Variants in KIF18B observed in about 807,000 individuals in gnomAD.
The protein encoded by KIF18B is kinesin-like protein KIF18B.
Under a neutral mutation model 80.9 loss-of-function variants are expected in KIF18B, and 49 were observed. That is an observed-to-expected ratio of 0.61 (90% CI 0.48 to 0.77). The LOEUF (loss-of-function observed/expected upper bound fraction) is 0.77, where lower values mean the gene tolerates loss of function less well. KIF18B is among the 30% of genes least tolerant of loss of function. The pLI is 0.00. For synonymous variants in KIF18B, 439 were observed against 463.9 expected, an observed-to-expected ratio of 0.95 and a Z score of 0.69; for missense variants, 994 against 1,127.7, an observed-to-expected ratio of 0.88 and a Z score of 1.70.
Position 44,928,326 on chromosome 17 carries a change from C to T in KIF18B, c.1976G>A (p.Arg659Lys), listed in dbSNP as rs2052073605. 2.5e-6 allele frequency: 4 copies of T among 1,612,146 alleles called. No individual in the cohort carries two copies. The highest frequency in any genetic ancestry group is 1.6e-4 in the Middle Eastern group (1 of 6,062). The part of the protein sequence containing the change: ...RQRQSFLPCL[R>K]RGSLPDTQPS... ...TTGGGTGTCAGGCAGAGACCCTCTC[C>T]TTAGGCAGGGCAGGAAGGACTGGCG... Residue 659 changes from arginine to lysine, a missense_variant, in exon 13 of 16, where the codon AGG becomes AAG. Coordinates refer to ENST00000593135, the MANE Select transcript of KIF18B (RefSeq NM_001265577.2).
At position 44,927,472 on chromosome 17, in the gene KIF18B, G is replaced by A. The variant is rs1023668497; in HGVS notation, c.2277-394C>T. ...TGCCACTGGTTCTTGGCCTTGGACT[G>A]TCTTGAGCAGGCTGCTGTTCCCCTC... On this transcript the variant is annotated intron_variant, in intron 13 of 15. Transcript: ENST00000593135. The surrounding 1 kb of genome is among the most constrained non-coding windows in gnomAD (Gnocchi z 4.1). Among the ~76,000 whole-genome samples, 1 of 152,202 alleles carries A rather than the reference G, an allele frequency of 6.6e-6. No individual in the cohort carries two copies. Among genetic ancestry groups the A allele is most frequent in the Non-Finnish European group, 1.5e-5 (1 of 68,030 alleles).
At chr17:44,938,661 G>A (rs2052356026) in intron 1 of KIF18B, among the ~76,000 whole-genome samples, 1 of 152,084 alleles carries the variant, frequency 6.6e-6, no homozygotes, top group Non-Finnish European at 1.5e-5. Context: ...TAATTGGTAA[G>A]CAATTATCCC....
chr17:44,927,467 G>C lies in KIF18B; in HGVS notation c.2277-389C>G, dbSNP rs35722758. ...CAGTCTGCCACTGGTTCTTGGCCTT[G>C]GACTGTCTTGAGCAGGCTGCTGTTC... On this transcript the variant is annotated intron_variant, in intron 13 of 15. Coordinates refer to ENST00000593135, the MANE Select transcript of KIF18B (RefSeq NM_001265577.2). This position sits in a 1 kb window ranked among gnomAD's most constrained non-coding sequence, Gnocchi z 4.1. Among the ~76,000 whole-genome samples, 3,384 of 152,328 alleles carry C rather than the reference G, an allele frequency of 0.022. 52 individuals carry two copies. The highest frequency in any genetic ancestry group is 0.031 in the Non-Finnish European group (2,130 of 68,016).
At chr17:44,935,561 A>C in intron 2 of KIF18B, 145 bp from the exon 3 acceptor site, 2 of 853,706 alleles carry the variant, frequency 2.3e-6, no homozygotes, top group Non-Finnish European at 3.5e-6. Context: ...TTCCCGCTGC[A>C]GGGCTGGAGT....
At position 44,931,635 on chromosome 17, in the gene KIF18B, G is replaced by C; in HGVS notation, c.1484C>G (p.Ser495Ter). The change falls in exon 11 of 16, where the codon TCA (serine) becomes TGA (stop). Residue 495 changes from serine (S) to a stop codon, truncating the protein, a stop_gained. Coordinates refer to ENST00000593135, the MANE Select transcript of KIF18B (RefSeq NM_001265577.2). LOFTEE classifies it high-confidence loss of function. ...LQPKPVVGHF[S>*]ARELDGDRSK... ...ACGGTCCCCATCCAGTTCCCGTGCT[G>C]AGAAGTGGCCCACGACTGGCTTGGG... 6.2e-7 allele frequency: 1 copy of C among 1,614,014 alleles called. No individual in the cohort carries two copies. Among genetic ancestry groups the C allele is most frequent in the Non-Finnish European group, 8.5e-7 (1 of 1,179,898 alleles).
At chr17:44,937,716 C>T (rs890688795) in intron 1 of KIF18B, among the ~76,000 whole-genome samples, 2 of 152,090 alleles carry the variant, frequency 1.3e-5, no homozygotes, top group Admixed American at 1.3e-4. Flanking sequence ...ACCTTTTCTT[C>T]TCCATATTCA....
chr17:44,935,804 G>C (rs2052275696), intron 2 of KIF18B, among the ~76,000 whole-genome samples: 1 of 152,186 alleles, frequency 6.6e-6, no homozygotes, highest in African/African-American at 2.4e-5. Context: ...GACAGGAACT[G>C]TCCTGTCTGA....
In KIF18B at chr17:44,934,884, T is replaced by C. The variant is rs1361796227; in HGVS notation, c.523A>G (p.Ile175Val). The part of the protein sequence containing the change: ...DLLEPKGPLA[I>V]REDPDKGVVV... The stretch of plus-strand genomic sequence containing the variant: ...ACCCCCTTGTCGGGGTCCTCGCGGA[T>C]GGCAAGGGGCCCCTTGGGCTCCAGG... Residue 175 changes from isoleucine to valine, a missense_variant, in exon 4 of 16, where the codon ATC (isoleucine) becomes GTC (valine). Coordinates refer to ENST00000593135, the MANE Select transcript of KIF18B (RefSeq NM_001265577.2). The surrounding 1 kb of genome is among the most constrained non-coding windows in gnomAD (Gnocchi z 5.4). 3 of 1,552,198 alleles carry C rather than the reference T, an allele frequency of 1.9e-6. No homozygotes were observed. Among genetic ancestry groups the C allele is most frequent in the Non-Finnish European group, 1.7e-6 (2 of 1,146,962 alleles).
chr17:44,933,366 G>A (rs950828782), intron 7 of KIF18B, among the ~76,000 whole-genome samples: 4 of 152,156 alleles, frequency 2.6e-5, no homozygotes, highest in African/African-American at 9.7e-5. Context: ...ACTGGCCAAT[G>A]AGAGGCCACC....
rs897302898 is a variant in KIF18B, at chr17:44,934,179, G to T, written c.885+54C>A. 2 of 1,594,700 alleles carry T rather than the reference G, an allele frequency of 1.3e-6. No homozygotes were observed. The highest frequency in any genetic ancestry group is 1.7e-6 in the Non-Finnish European group (2 of 1,169,506). ...TGGGGCCCTGTGGCCTTTGGCCCTG[G>T]GTTCAGGTGCTCAGTTGCTATCCTG... On this transcript the variant is annotated intron_variant, in intron 6 of 15. Coordinates refer to ENST00000593135, the MANE Select transcript of KIF18B (RefSeq NM_001265577.2). This position sits in a 1 kb window ranked among gnomAD's most constrained non-coding sequence, Gnocchi z 5.4.
chr17:44,933,641 C>T (rs886292156), intron 7 of KIF18B, among the ~76,000 whole-genome samples: 6 of 152,040 alleles, frequency 3.9e-5, no homozygotes, highest in South Asian at 2.1e-4. Context: ...TACAGGTGCC[C>T]ACCACCATGC....
chr17:44,933,428 G>A (rs752273575), intron 7 of KIF18B, among the ~76,000 whole-genome samples: 1 of 152,140 alleles, frequency 6.6e-6, no homozygotes, highest in Non-Finnish European at 1.5e-5. Flanking sequence ...CTCAGCTGGT[G>A]GCTTCCCACC....
intron 11 of KIF18B, among the ~76,000 whole-genome samples, chr17:44,930,084 C>A (rs996953468): frequency 6.6e-6 from 1 of 152,158 alleles, no homozygotes; most frequent in Non-Finnish European, 1.5e-5. Context: ...GGAACACAAA[C>A]TCATTTTATA....
chr17:44,928,006 A>T lies in KIF18B; in HGVS notation c.2276+20T>A. The T allele has an allele frequency of 6.6e-7, 1 of 1,509,562 alleles. No homozygotes were observed. Among genetic ancestry groups the T allele is most frequent in the Non-Finnish European group, 8.9e-7 (1 of 1,129,032 alleles). The allele number at this position is 1,509,562 out of a possible 1,614,324, so 93.5% of individuals were successfully genotyped here. ...CACTGACCACTGACAGGAGGGGTGGAGCGAGACTGGGAGACCCACCTGGGG... is the reference window on the plus strand; with the variant it reads ...CACTGACCACTGACAGGAGGGGTGGTGCGAGACTGGGAGACCCACCTGGGG... On this transcript the variant is annotated intron_variant, in intron 13 of 15. Transcript: ENST00000593135.
At chr17:44,932,302 G>T (rs1303145083) in intron 9 of KIF18B, 96 bp from the exon 10 acceptor site, 1 of 1,403,498 alleles carries the variant, frequency 7.1e-7, no homozygotes, top group African/African-American at 1.4e-5. Flanking sequence ...AGCAGGGAGC[G>T]GGTGGGATCT....
rs555885361 is a variant in KIF18B at position 44,928,832 on chromosome 17, C to T, written c.1710G>A (p.Leu570=). 22 of 1,613,730 alleles carry T rather than the reference C, an allele frequency of 1.4e-5. No individual in the cohort carries two copies. Among genetic ancestry groups the T allele is most frequent in the Middle Eastern group, 1.7e-4 (1 of 6,040 alleles). Residue 570 remains leucine, a synonymous_variant, in exon 12 of 16, where the codon CTG becomes CTA. Coordinates refer to ENST00000593135, the MANE Select transcript of KIF18B (RefSeq NM_001265577.2). ...GATGAGACTCACTTGACTCTGAACA[C>T]AGCTCCTGAGCCAGAGGTGCCCCCC... ...LARGAPLAQE[L]CSESIPVPSP...
rs2052000562 is a variant in KIF18B at position 44,925,199 on chromosome 17, C to G, written c.*881G>C. ...GGCGCAGTGGCTCACGCCTGTAATC[C>G]CAGCACTTTGGGAGGCCGAGGCGGG... On this transcript the variant is annotated 3_prime_UTR_variant, in exon 16 of 16. Transcript: ENST00000593135. 1 of 152,544 alleles carries G rather than the reference C, an allele frequency of 6.6e-6. No individual in the cohort carries two copies. The highest frequency in any genetic ancestry group is 1.9e-4 in the East Asian group (1 of 5,192). 9.4% of individuals were successfully genotyped at this position (152,544 alleles called of 1,614,324 possible). A position where few individuals can be genotyped will look rare whatever the true frequency, so the allele number is the denominator to read the frequency against.
Position 44,936,231 on chromosome 17 carries a change from C to G in KIF18B, c.114G>C (p.Leu38=). 6.2e-7 allele frequency: 1 copy of G among 1,610,432 alleles called. No homozygotes were observed. The highest frequency in any genetic ancestry group is 8.5e-7 in the Non-Finnish European group (1 of 1,178,818). ...CATCGGGCTCCTCAGGGTTAAACACCAGCACCCGCTCGTCCACCACCTGAA... is the reference window on the plus strand; with the variant it reads ...CATCGGGCTCCTCAGGGTTAAACACGAGCACCCGCTCGTCCACCACCTGAA... ...PVVQVVDERV[L]VFNPEEPDGG... The change falls in exon 2 of 16, where the codon CTG becomes CTC. Residue 38 remains leucine (L), a synonymous_variant. Transcript: ENST00000593135.
At chr17:44,933,137 A>G (rs528103048) in intron 7 of KIF18B, among the ~76,000 whole-genome samples, 151 bp from the exon 8 acceptor site, 86 of 152,262 alleles carry the variant, frequency 5.6e-4, no homozygotes, top group African/African-American at 1.9e-3. Context: ...GGTCAGTATC[A>G]TGCCTGAGAC....
Sources: allele counts gnomAD v4.1 joint callset (sites outside exome capture counted in the v4.1 genomes callset), GRCh38; gene constraint gnomAD v4.1.1; non-coding constraint Gnocchi (gnomAD v3.1); transcripts MANE v1.5; gene names NCBI Gene and HGNC (gene_info 2026-07-23, HGNC 2026-07-21).